The following ABHD12 variants were observed in gnomAD, a reference collection of about 807,000 sequenced individuals.
ABHD12 encodes the protein abhydrolase domain containing 12, lysophospholipase, also known as lysophosphatidylserine lipase ABHD12.
Under a neutral mutation model 58.3 loss-of-function variants are expected in ABHD12, and 43 were observed. That is an observed-to-expected ratio of 0.74 (90% CI 0.58 to 0.95). The LOEUF (loss-of-function observed/expected upper bound fraction) is 0.95. ABHD12 is among the 40% of genes least tolerant of loss of function. The pLI is 0.00. For synonymous variants in ABHD12, 219 were observed against 211.2 expected (o/e 1.04, Z -0.32); for missense variants, 539 against 537.2 (o/e 1.00, Z -0.03).
intron 1 of ABHD12, among the ~76,000 whole-genome samples, chr20:25,380,674 A>G (rs2090011870): frequency 6.6e-6 from 1 of 152,154 alleles, no homozygotes; most frequent in African/African-American, 2.4e-5. Flanking sequence ...GGCCTTCTTT[A>G]GGTGGCTGCC....
At chr20:25,389,908 G>GC (rs1288753333) in intron 1 of ABHD12, 1 of 152,188 alleles carries the variant, frequency 6.6e-6, no homozygotes, top group East Asian at 1.9e-4. Flanking sequence ...AGCGACGCAC[G>GC]CCCCCGACCC....
intron 1 of ABHD12, among the ~76,000 whole-genome samples, chr20:25,366,610 T>C (rs1258520394): frequency 6.6e-6 from 1 of 152,226 alleles, no homozygotes; most frequent in Admixed American, 6.5e-5. Flanking sequence ...TGAGTTATAG[T>C]TAGAAAGCCC....
chr20:25,295,117 G>A (rs570369351), intron 12 of ABHD12: 6 of 1,364,582 alleles, frequency 4.4e-6, no homozygotes, highest in East Asian at 4.6e-5. Flanking sequence ...AAATGCATTT[G>A]TAGATTCATA....
In ABHD12 at chr20:25,307,039, G is replaced by A. The variant is rs2088757297; in HGVS notation, c.868-124C>T. 11 of 724,514 alleles carry A rather than the reference G, an allele frequency of 1.5e-5. No homozygotes were observed. The Admixed American group carries it at 2.0e-4, about 13-fold the overall frequency. The allele number at this position is 724,514 out of a possible 1,614,324, so 44.9% of individuals were successfully genotyped here. A position where few individuals can be genotyped will look rare whatever the true frequency, so the allele number is the denominator to read the frequency against. Reference sequence around the variant, plus strand: ...TTGCCCATAACTACCCTACCTAAGGGAGCAGGGGTGACATTGCCAAGGGGC... The same window carrying A: ...TTGCCCATAACTACCCTACCTAAGGAAGCAGGGGTGACATTGCCAAGGGGC... On this transcript the variant is annotated intron_variant, in intron 9 of 12. Transcript: ENST00000339157.
Position 25,385,954 on chromosome 20 carries a change from A to G in ABHD12, c.191+4559T>C, listed in dbSNP as rs183359866. On this transcript the variant is annotated intron_variant, in intron 1 of 12. Transcript: ENST00000339157. Reference sequence around the variant, plus strand: ...TCTACTAAAAAAAATACAAAAAATTAGCCAGGTGTGTTGGTGGGCACCTGT... The same window carrying G: ...TCTACTAAAAAAAATACAAAAAATTGGCCAGGTGTGTTGGTGGGCACCTGT... Among the ~76,000 whole-genome samples, 10 of 151,834 alleles carry G rather than the reference A, an allele frequency of 6.6e-5. No individual in the cohort carries two copies. The East Asian group carries it at 2.0e-3, about 30-fold the overall frequency.
chr20:25,322,381 A>ATATATATATATATATATATATATTTTTTT, intron 3 of ABHD12, among the ~76,000 whole-genome samples: 45 of 59,186 alleles, frequency 7.6e-4, no homozygotes, highest in South Asian at 1.7e-3. Flanking sequence ...ATATATATAT[A>ATATATATATATATATATATATATTTTTTT]TTTTTTTTTT....
downstream of ABHD12, among the ~76,000 whole-genome samples, chr20:25,298,671 G>C (rs537431161): frequency 5.9e-5 from 9 of 152,336 alleles, no homozygotes; most frequent in South Asian, 1.9e-3. Context: ...TGGTCCCTTT[G>C]CACCTGCAAC....
intron 1 of ABHD12, among the ~76,000 whole-genome samples, chr20:25,376,490 C>G (rs943711710): frequency 3.3e-5 from 5 of 152,184 alleles, no homozygotes; most frequent in Admixed American, 1.3e-4. Flanking sequence ...GTCGGCAGAA[C>G]TGAACAACTG....
At chr20:25,363,108 A>G (rs2089774777) in intron 1 of ABHD12, among the ~76,000 whole-genome samples, 1 of 152,122 alleles carries the variant, frequency 6.6e-6, no homozygotes, top group African/African-American at 2.4e-5. Flanking sequence ...AGTATTTTAT[A>G]GTAGAGGTGA....
chr20:25,308,557 T>G, intron 7 of ABHD12, 63 bp from the exon 8 acceptor site: 279 of 1,447,988 alleles, frequency 1.9e-4, no homozygotes, highest in Middle Eastern at 3.5e-4. Flanking sequence ...GATATGGGCC[T>G]TATGCTGGAA....
rs538867328 is a variant in ABHD12 at position 25,373,334 on chromosome 20, G to T, written c.191+17179C>A. 3.3e-5 allele frequency among the ~76,000 whole-genome samples: 5 copies of T among 152,286 alleles called. No homozygotes were observed. In the South Asian group the frequency reaches 1.0e-3, roughly 32 times the overall value. ...AGCCGGGGCGGGTGGATCACCTGAG[G>T]TCAGGAGTTCAAGACCGGCCTGGCC... On this transcript the variant is annotated intron_variant, in intron 1 of 12. Transcript: ENST00000339157.
chr20:25,390,091 C>T (rs1303004267), intron 1 of ABHD12: 3 of 156,762 alleles, frequency 1.9e-5, no homozygotes, highest in Non-Finnish European at 4.2e-5. Flanking sequence ...CCCTCTGCCT[C>T]CCGCCTCTGC....
At chr20:25,372,756 G>A (rs1019995873) in intron 1 of ABHD12, among the ~76,000 whole-genome samples, 37 of 152,236 alleles carry the variant, frequency 2.4e-4, no homozygotes, top group African/African-American at 6.3e-4. Context: ...TGGCTGTAGC[G>A]TCACAGTGAA....
chr20:25,386,774 G>C (rs558639208), intron 1 of ABHD12, among the ~76,000 whole-genome samples: 2 of 151,908 alleles, frequency 1.3e-5, no homozygotes, highest in Non-Finnish European at 2.9e-5. Context: ...CCAGCTACCC[G>C]GGAGGCTGAG....
In ABHD12 at chr20:25,300,817, T is replaced by TC; in HGVS notation, c.*27dup. 1 of 1,613,712 alleles carries TC rather than the reference T, an allele frequency of 6.2e-7. No homozygotes were observed. The highest frequency in any genetic ancestry group is 8.5e-7 in the Non-Finnish European group (1 of 1,179,900). ...GAGGAAAACGGGAGGAGGGCAGAGGTCTTCATGCTTCCTTCCCACGGCCAG... is the reference window on the plus strand; with the variant it reads ...GAGGAAAACGGGAGGAGGGCAGAGGTCCTTCATGCTTCCTTCCCACGGCCAG... On this transcript the variant is annotated 3_prime_UTR_variant, in exon 13 of 13. Coordinates refer to ENST00000339157, the MANE Select transcript of ABHD12 (RefSeq NM_001042472.3).
chr20:25,388,192 C>G (rs1035840002), intron 1 of ABHD12, among the ~76,000 whole-genome samples: 1 of 151,862 alleles, frequency 6.6e-6, no homozygotes, highest in African/African-American at 2.4e-5. Flanking sequence ...CCACGTATGT[C>G]GACAATAAAG....
intron 10 of ABHD12, among the ~76,000 whole-genome samples, chr20:25,304,723 A>C (rs926802591): frequency 1.6e-4 from 25 of 151,690 alleles, no homozygotes; most frequent in African/African-American, 6.1e-4. Context: ...GTGCACCACC[A>C]CGCCTGGCTA....
At chr20:25,362,605 G>A (rs2089765659) in intron 1 of ABHD12, among the ~76,000 whole-genome samples, 1 of 147,866 alleles carries the variant, frequency 6.8e-6, no homozygotes, top group African/African-American at 2.5e-5. Context: ...GGGGAGGGGA[G>A]GGGAGGGAAG....
downstream of ABHD12, chr20:25,297,366 T>C (rs1447339512): frequency 6.6e-6 from 1 of 152,402 alleles, no homozygotes; most frequent in African/African-American, 2.4e-5. Context: ...CTTGGTCACT[T>C]TTGTGCTTGA....
Sources: allele counts gnomAD v4.1 joint callset (sites outside exome capture counted in the v4.1 genomes callset), GRCh38; gene constraint gnomAD v4.1.1; transcripts MANE v1.5; gene names NCBI Gene and HGNC (gene_info 2026-07-23, HGNC 2026-07-21).